Variants in MYO3A observed in about 807,000 individuals in gnomAD.
The protein encoded by MYO3A is myosin-IIIa.
A neutral mutation model predicts 192.7 loss-of-function variants in MYO3A; 180 were observed. The ratio of observed to expected loss-of-function variants is 0.93; its 90% CI spans 0.83 to 1.06. MYO3A has a LOEUF of 1.06. MYO3A is among the 50% of genes least tolerant of loss of function. The pLI is 0.00. For synonymous variants in MYO3A, 628 were observed against 645.3 expected (o/e 0.97, Z 0.41); for missense variants, 1,896 against 1,905.0 (o/e 1.00, Z 0.09).
chr10:25,957,588 C>A (rs1837638222), intron 4 of MYO3A, among the ~76,000 whole-genome samples: 1 of 152,052 alleles, frequency 6.6e-6, no homozygotes, highest in Non-Finnish European at 1.5e-5. Flanking sequence ...AATTTCTATT[C>A]CTTTGGGTAT....
At chr10:25,993,915 G>A (rs1017423040) in intron 4 of MYO3A, among the ~76,000 whole-genome samples, 1 of 152,196 alleles carries the variant, frequency 6.6e-6, no homozygotes, top group African/African-American at 2.4e-5. Flanking sequence ...CATTTGCTGA[G>A]GAGTGCTTTA....
chr10:25,942,108 G>A (rs1836535526), intron 2 of MYO3A, among the ~76,000 whole-genome samples: 1 of 150,726 alleles, frequency 6.6e-6, no homozygotes, highest in South Asian at 2.1e-4. Context: ...TTCAAGTGAT[G>A]CCTCTGCCTC....
At chr10:26,073,438 A>G (rs1310530070) in intron 14 of MYO3A, among the ~76,000 whole-genome samples, 1 of 151,876 alleles carries the variant, frequency 6.6e-6, no homozygotes, top group Non-Finnish European at 1.5e-5. Context: ...GCGTGGTGGC[A>G]GGCGCCTGTA....
Position 26,024,101 on chromosome 10 carries a change from G to A in MYO3A, c.797+14G>A. ...CTTCATAAGCAAGTGAGTAAAAACA[G>A]TCTTTTAAAAAACCAAAGATATTCC... On this transcript the variant is annotated intron_variant, in intron 9 of 34. Coordinates refer to ENST00000642920, the MANE Select transcript of MYO3A (RefSeq NM_017433.5). 1 of 1,607,734 alleles carries A rather than the reference G, an allele frequency of 6.2e-7. No individual in the cohort carries two copies. The highest frequency in any genetic ancestry group is 8.5e-7 in the Non-Finnish European group (1 of 1,174,560).
intron 4 of MYO3A, among the ~76,000 whole-genome samples, chr10:25,979,220 T>C (rs1283844089): frequency 6.6e-6 from 1 of 152,210 alleles, no homozygotes; most frequent in African/African-American, 2.4e-5. Context: ...GTACAGTGTT[T>C]GCAGTTATTA....
chr10:26,047,268 T>TG (rs1843682465), intron 10 of MYO3A, among the ~76,000 whole-genome samples: 1 of 152,124 alleles, frequency 6.6e-6, no homozygotes, highest in Non-Finnish European at 1.5e-5. Flanking sequence ...CAAAATTTAC[T>TG]GAAAAATTCT....
chr10:26,211,793 G>C (rs748288090), intron 34 of MYO3A, 50 bp from the exon 35 acceptor site: 2 of 1,610,894 alleles, frequency 1.2e-6, no homozygotes, highest in Non-Finnish European at 1.7e-6. Flanking sequence ...GTGGGGACGC[G>C]CTGCTCACTG....
In MYO3A at chr10:25,942,147, A is replaced by G. The variant is rs139817540; in HGVS notation, c.-18+6317A>G. 1.2e-3 allele frequency among the ~76,000 whole-genome samples: 186 copies of G among 152,024 alleles called. 1 individual carries two copies. Among genetic ancestry groups the G allele is most frequent in the African/African-American group, 3.7e-3 (152 of 41,488 alleles). On this transcript the variant is annotated intron_variant, in intron 2 of 34. Transcript: ENST00000642920. Reference sequence around the variant, plus strand: ...CTCCCAAGTACCTGGGACTACAGGCATATGCCATCACACCTGGCTGATTTT... The same window carrying G: ...CTCCCAAGTACCTGGGACTACAGGCGTATGCCATCACACCTGGCTGATTTT...
At chr10:25,983,773 A>T (rs7093831) in intron 4 of MYO3A, among the ~76,000 whole-genome samples, 14,578 of 152,242 alleles carry the variant, frequency 0.096, 1,245 homozygotes, top group African/African-American at 0.22. Flanking sequence ...ACCTGGGAAA[A>T]TCATCACAAA....
intron 17 of MYO3A, among the ~76,000 whole-genome samples, 193 bp downstream of exon 17, chr10:26,096,875 T>C (rs1026168476): frequency 1.1e-4 from 16 of 151,748 alleles, no homozygotes; most frequent in African/African-American, 3.9e-4. Flanking sequence ...TATAATTGAA[T>C]TTCATTTTGT....
intron 31 of MYO3A, among the ~76,000 whole-genome samples, chr10:26,177,182 G>T (rs907775287): frequency 2.0e-5 from 3 of 152,082 alleles, no homozygotes; most frequent in East Asian, 1.9e-4. Flanking sequence ...AATAGAAATA[G>T]AAATATTTCT....
At position 26,152,685 on chromosome 10, in the gene MYO3A, C is replaced by T. The variant is rs542514120; in HGVS notation, c.2636-1165C>T. On this transcript the variant is annotated intron_variant, in intron 23 of 34. Transcript: ENST00000642920. Reference sequence around the variant, plus strand: ...GTTGATCTACATAAATAAATTTAAGCGAAATTCCTGAAACTGCCACTCTAA... The same window carrying T: ...GTTGATCTACATAAATAAATTTAAGTGAAATTCCTGAAACTGCCACTCTAA... Among the ~76,000 whole-genome samples, 4 of 152,250 alleles carry T rather than the reference C, an allele frequency of 2.6e-5. No individual in the cohort carries two copies. In the South Asian group the frequency reaches 6.2e-4, roughly 24 times the overall value.
At chr10:25,982,656 GGT>G (rs1839405849) in intron 4 of MYO3A, among the ~76,000 whole-genome samples, 1 of 152,148 alleles carries the variant, frequency 6.6e-6, no homozygotes, top group Non-Finnish European at 1.5e-5. Context: ...CCCAGAGCCT[GGT>G]AGCTCTGCTG....
chr10:26,124,209 A>C (rs1839057960), intron 18 of MYO3A, among the ~76,000 whole-genome samples: 1 of 151,574 alleles, frequency 6.6e-6, no homozygotes, highest in Non-Finnish European at 1.5e-5. Context: ...AAAAAAAAAA[A>C]ACTTTTACAT....
Position 25,996,554 on chromosome 10 carries a change from G to T in MYO3A, c.368G>T (p.Ser123Ile), listed in dbSNP as rs1840453716. The change falls in exon 5 of 35, where the codon AGT (serine) becomes ATT (isoleucine). Residue 123 changes from serine (S) to isoleucine (I), a missense_variant. Coordinates refer to ENST00000642920, the MANE Select transcript of MYO3A (RefSeq NM_017433.5). ...KGFLKRGERMSEPLIAYILHE... is the reference protein window; with the variant it reads ...KGFLKRGERMIEPLIAYILHE... ...TTTCTGAAGAGGGGTGAAAGAATGA[G>T]TGAGCCTCTAATTGCCTATATTTTA... 1 of 1,613,848 alleles carries T rather than the reference G, an allele frequency of 6.2e-7. No individual in the cohort carries two copies.
At chr10:25,946,747 C>T (rs1470849293) in intron 2 of MYO3A, among the ~76,000 whole-genome samples, 4 of 151,416 alleles carry the variant, frequency 2.6e-5, no homozygotes, top group Admixed American at 6.6e-5. Flanking sequence ...GGCATGGTAG[C>T]GGGCACCTGT....
chr10:26,177,854 G>A (rs982224845), intron 31 of MYO3A, among the ~76,000 whole-genome samples: 2 of 152,198 alleles, frequency 1.3e-5, no homozygotes, highest in South Asian at 2.1e-4. Context: ...ATACTAAGAT[G>A]CACTTGGCTA....
At chr10:26,167,033 G>T (rs1026347872) in intron 27 of MYO3A, among the ~76,000 whole-genome samples, 11 of 152,122 alleles carry the variant, frequency 7.2e-5, no homozygotes, top group Non-Finnish European at 1.6e-4. Context: ...AATAAACAGG[G>T]TTCCATTGTG....
chr10:25,976,762 A>G (rs1057339513), intron 4 of MYO3A, among the ~76,000 whole-genome samples: 1 of 152,146 alleles, frequency 6.6e-6, no homozygotes, highest in Non-Finnish European at 1.5e-5. Context: ...TTGTGTTGCA[A>G]AACTATACAT....
Sources: allele counts gnomAD v4.1 joint callset (sites outside exome capture counted in the v4.1 genomes callset), GRCh38; gene constraint gnomAD v4.1.1; transcripts MANE v1.5; gene names NCBI Gene and HGNC (gene_info 2026-07-23, HGNC 2026-07-21).